Variants in RBFOX1 observed in about 807,000 individuals in gnomAD.
RBFOX1 encodes the protein RNA binding fox-1 homolog 1, also known as RNA binding protein fox-1 homolog 1.
A neutral mutation model predicts 57.7 loss-of-function variants in RBFOX1; 8 were observed. The observed-to-expected ratio is 0.14, with a 90% CI of 0.08 to 0.25. The LOEUF is 0.25. Among genes scored for constraint, RBFOX1 ranks in the 10% least tolerant of loss-of-function variants. The probability of loss-of-function intolerance (pLI) is 1.00; values close to 1 mark genes in which losing one functional copy is unlikely to be tolerated. For synonymous variants in RBFOX1, 326 were observed against 222.4 expected (o/e 1.47, Z -4.15); for missense variants, 611 against 548.5 (o/e 1.11, Z -1.14).
chr16:5,255,034 A>G (rs749897555), intron 1 of RBFOX1, among the ~76,000 whole-genome samples: 1 of 152,120 alleles, frequency 6.6e-6, no homozygotes, highest in Non-Finnish European at 1.5e-5. Flanking sequence ...CAGCCAGTTG[A>G]TTATTGGTTG....
intron 1 of RBFOX1, among the ~76,000 whole-genome samples, chr16:6,291,034 T>C (rs1159262110): frequency 6.6e-6 from 1 of 152,198 alleles, no homozygotes; most frequent in Non-Finnish European, 1.5e-5. Flanking sequence ...CTCCCCTTTT[T>C]AGACCATATA....
intron 1 of RBFOX1, among the ~76,000 whole-genome samples, chr16:6,247,103 G>T (rs1432931943): frequency 2.6e-5 from 4 of 152,166 alleles, no homozygotes; most frequent in African/African-American, 7.2e-5. Context: ...TCTGACCACT[G>T]TAGCATTGGT....
At chr16:6,866,868 A>G (rs1042989305) in intron 3 of RBFOX1, among the ~76,000 whole-genome samples, 1 of 151,938 alleles carries the variant, frequency 6.6e-6, no homozygotes, top group African/African-American at 2.4e-5. Context: ...TAAGGTTGTA[A>G]CTTTTGCATG....
At position 5,917,440 on chromosome 16, in the gene RBFOX1, T is replaced by C. The variant is rs948685015; in HGVS notation, c.351+50105T>C. On this transcript the variant is annotated intron_variant, in intron 4 of 19. Coordinates refer to the RBFOX1 transcript ENST00000641259. The stretch of plus-strand genomic sequence containing the variant: ...TCTTCATTTTATAAAAACAGAGAGG[T>C]TGAGACGTTAAGTAATTTTCTCAAG... Among the ~76,000 whole-genome samples the C allele has an allele frequency of 5.3e-5, 8 of 152,154 alleles. 1 individual carries two copies. In the South Asian group the frequency reaches 6.2e-4, roughly 12 times the overall value.
intron 3 of RBFOX1, among the ~76,000 whole-genome samples, chr16:5,795,576 C>T (rs1382109082): frequency 1.3e-5 from 2 of 152,306 alleles, no homozygotes; most frequent in Admixed American, 6.5e-5. Flanking sequence ...CAGACATGAA[C>T]CACTGTGCCT....
At chr16:6,646,741 C>T (rs554394578) in intron 2 of RBFOX1, among the ~76,000 whole-genome samples, 15 of 152,210 alleles carry the variant, frequency 9.9e-5, no homozygotes, top group African/African-American at 2.9e-4. Flanking sequence ...CTGTGATTTT[C>T]ATCACTCCCA....
chr16:5,512,405 T>A (rs1421086736), intron 2 of RBFOX1, among the ~76,000 whole-genome samples: 1 of 140,570 alleles, frequency 7.1e-6, no homozygotes. Context: ...TTCTTCCTCC[T>A]ACTCCTCTCT....
intron 3 of RBFOX1, among the ~76,000 whole-genome samples, chr16:6,708,517 T>A (rs2154148998): frequency 6.6e-6 from 1 of 152,332 alleles, no homozygotes; most frequent in East Asian, 1.9e-4. Context: ...CCTCTTGCTC[T>A]TGTGTTGGAC....
intron 3 of RBFOX1, among the ~76,000 whole-genome samples, chr16:6,866,280 G>C (rs911941352): frequency 1.3e-5 from 2 of 151,654 alleles, no homozygotes; most frequent in Admixed American, 6.6e-5. Context: ...CATTTTTGTG[G>C]ATAGGGTGGC....
At chr16:5,934,860 G>A (rs2059136778) in intron 4 of RBFOX1, among the ~76,000 whole-genome samples, 1 of 152,236 alleles carries the variant, frequency 6.6e-6, no homozygotes, top group African/African-American at 2.4e-5. Context: ...CTCACAGAAA[G>A]AGTTGTGGCA....
chr16:7,042,578 A>G (rs916408104), intron 3 of RBFOX1, among the ~76,000 whole-genome samples: 2 of 152,338 alleles, frequency 1.3e-5, no homozygotes, highest in Non-Finnish European at 1.5e-5. Context: ...TTTATGACAT[A>G]TTACAAACAT....
At chr16:7,553,723 T>G (rs1426671964) in intron 5 of RBFOX1, among the ~76,000 whole-genome samples, 1 of 152,154 alleles carries the variant, frequency 6.6e-6, no homozygotes, top group Non-Finnish European at 1.5e-5. Context: ...TTACTGTAGG[T>G]TAGAGTTAGC....
chr16:6,764,200 C>G (rs926223990), intron 3 of RBFOX1, among the ~76,000 whole-genome samples: 28 of 152,176 alleles, frequency 1.8e-4, no homozygotes, highest in Admixed American at 1.8e-3. Flanking sequence ...ACTTGAGCAT[C>G]TGAACTTCAT....
At chr16:6,949,637 A>T (rs181608435) in intron 3 of RBFOX1, among the ~76,000 whole-genome samples, 1 of 152,050 alleles carries the variant, frequency 6.6e-6, no homozygotes, top group Admixed American at 6.6e-5. Flanking sequence ...TAAAAATGGC[A>T]GTCAAATTGG....
In RBFOX1 at chr16:7,312,088, A is replaced by C. The variant is rs1181652562; in HGVS notation, c.28-206059A>C. Among the ~76,000 whole-genome samples the C allele has an allele frequency of 3.3e-5, 5 of 152,348 alleles. No homozygotes were observed. The South Asian group carries it at 1.0e-3, about 32-fold the overall frequency. On this transcript the variant is annotated intron_variant, in intron 4 of 15. Transcript: ENST00000550418. ...CAGCCTATAGATGTTTGATAAAGAA[A>C]TGAAGGAAGGGCCGGGCGCAGTGGC...
intron 3 of RBFOX1, among the ~76,000 whole-genome samples, chr16:6,896,403 C>T (rs144335887): frequency 6.6e-6 from 1 of 152,186 alleles, no homozygotes; most frequent in East Asian, 1.9e-4. Flanking sequence ...TCTTTAAACT[C>T]ATCAACCATC....
chr16:5,463,371 C>G (rs1439119002), intron 1 of RBFOX1, among the ~76,000 whole-genome samples: 2 of 152,076 alleles, frequency 1.3e-5, no homozygotes, highest in Admixed American at 6.5e-5. Context: ...TCTCTTTATT[C>G]TCCTCTGTCT....
chr16:7,509,390 C>G (rs970781429), intron 4 of RBFOX1, among the ~76,000 whole-genome samples: 87 of 145,164 alleles, frequency 6.0e-4, no homozygotes, highest in African/African-American at 1.8e-3. Flanking sequence ...GAGCCAAGCC[C>G]TGTGTGTGTG....
At chr16:6,819,030 T>C (rs1032796355) in intron 3 of RBFOX1, among the ~76,000 whole-genome samples, 20 of 152,180 alleles carry the variant, frequency 1.3e-4, no homozygotes, top group African/African-American at 4.8e-4. Context: ...GTAACAGAGA[T>C]GGACTATCAA....
Sources: gnomAD v4.1 joint callset for allele counts (sites outside exome capture counted in the v4.1 genomes callset) on GRCh38, gnomAD v4.1.1 for gene constraint, MANE v1.5 for transcripts, NCBI Gene and HGNC (gene_info 2026-07-23, HGNC 2026-07-21) for gene names.